Variants in ARMC9 observed in about 807,000 individuals in gnomAD.
ARMC9 encodes the protein lisH domain-containing protein ARMC9.
Under a neutral mutation model 107.0 loss-of-function variants are expected in ARMC9, and 94 were observed. The ratio of observed to expected loss-of-function variants is 0.88; its 90% CI spans 0.74 to 1.04. The LOEUF is 1.04. Ranked by LOEUF, ARMC9 falls within the 50% of genes least tolerant of loss-of-function variation. The pLI, the probability that ARMC9 is intolerant of heterozygous loss-of-function variation, is 0.00. For synonymous variants in ARMC9, 380 were observed against 396.9 expected (o/e 0.96, Z 0.51); for missense variants, 942 against 1,030.1 (o/e 0.91, Z 1.17).
intron 23 of ARMC9, among the ~76,000 whole-genome samples, chr2:231,364,458 AC>A (rs1232142941): frequency 6.6e-6 from 1 of 152,190 alleles, no homozygotes; most frequent in Non-Finnish European, 1.5e-5. Flanking sequence ...CTTTCCCCTC[AC>A]GTTTGTCCCT....
chr2:231,200,438 TTGGG>T (rs2030681215), intron 1 of ARMC9, among the ~76,000 whole-genome samples: 1 of 152,086 alleles, frequency 6.6e-6, no homozygotes, highest in Admixed American at 6.6e-5. Flanking sequence ...TCCCTGCACT[TTGGG>T]TGGGTGAATC....
At chr2:231,366,389 A>G (rs2045818260) in intron 23 of ARMC9, among the ~76,000 whole-genome samples, 1 of 152,076 alleles carries the variant, frequency 6.6e-6, no homozygotes, top group South Asian at 2.1e-4. Flanking sequence ...GGCCCAGCCA[A>G]ATTGACACAT....
In ARMC9 at chr2:231,337,500, C is replaced by T. The variant is rs188402682; in HGVS notation, c.1878+5603C>T. 7.4e-3 allele frequency among the ~76,000 whole-genome samples: 807 copies of T among 108,672 alleles called. 8 individuals are homozygous for T. Among genetic ancestry groups the T allele is most frequent in the African/African-American group, 0.032 (762 of 24,174 alleles). 71.3% of individuals were successfully genotyped at this position (108,672 alleles called of 152,430 possible). A position where few individuals can be genotyped will look rare whatever the true frequency, so the allele number is the denominator to read the frequency against. The stretch of plus-strand genomic sequence containing the variant: ...TTTTTTTTTTTTTGAGACAGAGTCT[C>T]GCTCTGTCGCCCAGGCTGGAGTTCA... On this transcript the variant is annotated intron_variant, in intron 20 of 24. Coordinates refer to ENST00000611582, the MANE Select transcript of ARMC9 (RefSeq NM_001352754.2).
At chr2:231,348,262 A>G (rs2044890407) in intron 21 of ARMC9, among the ~76,000 whole-genome samples, 4 of 152,242 alleles carry the variant, frequency 2.6e-5, no homozygotes, top group Admixed American at 2.0e-4. Flanking sequence ...GAGGTGTGAC[A>G]ACTGTGTCAG....
chr2:231,353,343 C>T (rs994485868), intron 21 of ARMC9, among the ~76,000 whole-genome samples: 8 of 123,660 alleles, frequency 6.5e-5, no homozygotes, highest in Admixed American at 5.8e-4. Flanking sequence ...CCTACCACCA[C>T]GCCCGGCTAT....
At chr2:231,267,996 G>A (rs185585890) in intron 12 of ARMC9, among the ~76,000 whole-genome samples, 1 of 152,308 alleles carries the variant, frequency 6.6e-6, no homozygotes, top group African/African-American at 2.4e-5. Context: ...GAATACCTGT[G>A]ATGTATTTGT....
intron 20 of ARMC9, among the ~76,000 whole-genome samples, chr2:231,340,684 C>T (rs1393460465): frequency 5.3e-5 from 8 of 151,958 alleles, no homozygotes; most frequent in Non-Finnish European, 8.8e-5. Context: ...GTCAGGAGTT[C>T]GAGACCAGCC....
intron 19 of ARMC9, among the ~76,000 whole-genome samples, chr2:231,319,724 C>G (rs2042896264): frequency 6.6e-6 from 1 of 152,210 alleles, no homozygotes. Flanking sequence ...GTACTAACTT[C>G]CCAGCCTTCG....
At position 231,209,149 on chromosome 2, in the gene ARMC9, G is replaced by A. The variant is rs550123176; in HGVS notation, c.177+897G>A. ...ACTCCTGACCTCAAGTGATCCGCCC[G>A]CCTTGGCCTCCCAAAAGTGCTGAGG... On this transcript the variant is annotated intron_variant, in intron 3 of 24. Transcript: ENST00000611582. Among the ~76,000 whole-genome samples the A allele has an allele frequency of 9.5e-4, 145 of 152,182 alleles. 1 individual carries two copies. The highest frequency in any genetic ancestry group is 3.2e-3 in the African/African-American group (134 of 41,504).
rs969217099 is a variant in ARMC9 at position 231,358,905 on chromosome 2, A to G, written c.2132-1849A>G. 1.3e-5 allele frequency among the ~76,000 whole-genome samples: 2 copies of G among 152,112 alleles called. No homozygotes were observed. The highest frequency in any genetic ancestry group is 4.8e-5 in the African/African-American group (2 of 41,406). Reference sequence around the variant, plus strand: ...TCTCATTTCCCCACCAACCAGGACTATCTTCAATATCAAAATCACATGCCT... The same window carrying G: ...TCTCATTTCCCCACCAACCAGGACTGTCTTCAATATCAAAATCACATGCCT... On this transcript the variant is annotated intron_variant, in intron 22 of 24. Coordinates refer to ENST00000611582, the MANE Select transcript of ARMC9 (RefSeq NM_001352754.2). The surrounding 1 kb of genome is among the most constrained non-coding windows in gnomAD (Gnocchi z 4.5).
intron 20 of ARMC9, among the ~76,000 whole-genome samples, chr2:231,339,159 C>G (rs1486675726): frequency 2.6e-5 from 4 of 152,052 alleles, no homozygotes; most frequent in Non-Finnish European, 5.9e-5. Context: ...GAAACTCCGT[C>G]TCTACTAAAA....
intron 7 of ARMC9, among the ~76,000 whole-genome samples, chr2:231,229,831 T>C (rs1050320174): frequency 6.6e-6 from 1 of 152,150 alleles, no homozygotes; most frequent in African/African-American, 2.4e-5. Context: ...TATTTAAAAG[T>C]TGATCATTTT....
intron 19 of ARMC9, among the ~76,000 whole-genome samples, chr2:231,305,047 C>A (rs1314075062): frequency 1.3e-5 from 2 of 152,184 alleles, no homozygotes; most frequent in Non-Finnish European, 2.9e-5. Context: ...CTGAAGATAA[C>A]CATCCGCTTT....
At chr2:231,253,538 C>T (rs928880466) in intron 9 of ARMC9, among the ~76,000 whole-genome samples, 1 of 151,866 alleles carries the variant, frequency 6.6e-6, no homozygotes, top group African/African-American at 2.4e-5. Flanking sequence ...CAGAGTGAGA[C>T]TGTGTCTCAA....
chr2:231,349,172 G>A lies in ARMC9; in HGVS notation c.1994+4082G>A, dbSNP rs529123372. 3.3e-5 allele frequency among the ~76,000 whole-genome samples: 5 copies of A among 152,306 alleles called. No individual in the cohort carries two copies. The South Asian group carries it at 1.0e-3, about 32-fold the overall frequency. On this transcript the variant is annotated intron_variant, in intron 21 of 24. Transcript: ENST00000611582. The stretch of plus-strand genomic sequence containing the variant: ...CACCGTTCACAGGGGCCAAGATTTG[G>A]AAGTAGCCTCAGTGTCCATCAGCAG...
At chr2:231,322,790 A>G (rs2043070491) in intron 19 of ARMC9, among the ~76,000 whole-genome samples, 1 of 152,198 alleles carries the variant, frequency 6.6e-6, no homozygotes, top group Non-Finnish European at 1.5e-5. Flanking sequence ...TCTGGTACAT[A>G]AAGACCAGTA....
chr2:231,204,060 G>C (rs1370290122), intron 1 of ARMC9, among the ~76,000 whole-genome samples: 2 of 151,808 alleles, frequency 1.3e-5, no homozygotes, highest in African/African-American at 2.4e-5. Context: ...TGTAGGCCCA[G>C]CTACTCAGGA....
chr2:231,273,099 C>A, intron 14 of ARMC9, 21 bp downstream of exon 14: 2 of 1,606,404 alleles, frequency 1.2e-6, no homozygotes, highest in South Asian at 2.2e-5. Flanking sequence ...TGCAATAGGT[C>A]ACGGTGTCTC....
intron 19 of ARMC9, among the ~76,000 whole-genome samples, chr2:231,318,361 G>A (rs2042818807): frequency 6.6e-6 from 1 of 151,910 alleles, no homozygotes; most frequent in African/African-American, 2.4e-5. Context: ...TGTGTGGATT[G>A]AGGAATACAT....
Sources: allele counts gnomAD v4.1 joint callset (sites outside exome capture counted in the v4.1 genomes callset), GRCh38; gene constraint gnomAD v4.1.1; non-coding constraint Gnocchi (gnomAD v3.1); transcripts MANE v1.5; gene names NCBI Gene and HGNC (gene_info 2026-07-23, HGNC 2026-07-21).